Variants in PTK2B observed in about 807,000 individuals in gnomAD.
PTK2B encodes protein tyrosine kinase 2 beta.
Under a neutral mutation model 142.9 loss-of-function variants are expected in PTK2B, and 71 were observed. The ratio of observed to expected loss-of-function variants is 0.50; its 90% CI spans 0.41 to 0.61. The LOEUF (loss-of-function observed/expected upper bound fraction) is 0.61, where lower values mean the gene tolerates loss of function less well. Among genes scored for constraint, PTK2B ranks in the 20% least tolerant of loss-of-function variants. The pLI is 0.00. For synonymous variants in PTK2B, 519 were observed against 503.4 expected (o/e 1.03, Z -0.42); for missense variants, 1,105 against 1,320.4 (o/e 0.84, Z 2.53).
At chr8:27,437,296 G>C in intron 16 of PTK2B, 90 bp downstream of exon 16, 1 of 1,541,738 alleles carries the variant, frequency 6.5e-7, no homozygotes, top group East Asian at 2.3e-5. Flanking sequence ...ACCCATGTTG[G>C]AGGAGGGGTT....
rs561309028 is a variant in PTK2B, at chr8:27,403,476, T to C, written c.204+5688T>C. ...GTGAATAAGCGCTGGCCCCTGTGCC[T>C]AGGACCTAAAAGAAATTAGGCAGGT... On this transcript the variant is annotated intron_variant, in intron 2 of 30. Transcript: ENST00000346049. 4.6e-5 allele frequency among the ~76,000 whole-genome samples: 7 copies of C among 152,358 alleles called. No individual in the cohort carries two copies. In the South Asian group the frequency reaches 1.2e-3, roughly 27 times the overall value.
chr8:27,326,613 C>G (rs1220288976), intron 1 of PTK2B, among the ~76,000 whole-genome samples: 3 of 152,156 alleles, frequency 2.0e-5, no homozygotes, highest in Non-Finnish European at 4.4e-5. Context: ...GGGCAGTGCA[C>G]GTGGTGTGAT....
At chr8:27,406,178 T>G (rs780450813) in intron 2 of PTK2B, among the ~76,000 whole-genome samples, 1 of 152,228 alleles carries the variant, frequency 6.6e-6, no homozygotes, top group Non-Finnish European at 1.5e-5. Flanking sequence ...TTCTCCTCTC[T>G]CTGTGTCTCT....
chr8:27,433,691 C>T, intron 11 of PTK2B, 139 bp downstream of exon 11: 1 of 764,722 alleles, frequency 1.3e-6, no homozygotes, highest in Non-Finnish European at 2.1e-6. Context: ...GGGAAGCTTC[C>T]AGTGGGCCCA....
chr8:27,390,896 G>A (rs2131306585), intron 1 of PTK2B, among the ~76,000 whole-genome samples: 1 of 152,234 alleles, frequency 6.6e-6, no homozygotes, highest in South Asian at 2.1e-4. Flanking sequence ...GTCCATGGCA[G>A]AGACTCAAGG....
intron 1 of PTK2B, among the ~76,000 whole-genome samples, chr8:27,342,695 C>G (rs2130133434): frequency 6.6e-6 from 1 of 152,302 alleles, no homozygotes; most frequent in East Asian, 1.9e-4. Context: ...GTCTGTGCTC[C>G]TCTGATCCCA....
chr8:27,435,814 C>T (rs1402732322), intron 14 of PTK2B, 21 bp downstream of exon 14: 1 of 1,612,122 alleles, frequency 6.2e-7, no homozygotes, highest in South Asian at 1.1e-5. Flanking sequence ...GACCCCGCCA[C>T]AGCGACCGTA....
chr8:27,328,567 G>A (rs1803553390), intron 1 of PTK2B, among the ~76,000 whole-genome samples: 1 of 152,190 alleles, frequency 6.6e-6, no homozygotes, highest in Admixed American at 6.5e-5. Context: ...CCAGGCCCTT[G>A]GATTGTTTGC....
At chr8:27,339,909 A>G (rs1362013475) in intron 1 of PTK2B, among the ~76,000 whole-genome samples, 2 of 152,256 alleles carry the variant, frequency 1.3e-5, no homozygotes, top group Non-Finnish European at 2.9e-5. Context: ...GTTTCCAGTG[A>G]CAGTGACACC....
At chr8:27,428,644 G>A (rs569449987) in intron 5 of PTK2B, among the ~76,000 whole-genome samples, 1 of 152,242 alleles carries the variant, frequency 6.6e-6, no homozygotes, top group South Asian at 2.1e-4. Flanking sequence ...AGGATGTTTA[G>A]CAGTATCCCT....
At chr8:27,350,536 A>G (rs1804982529) in intron 1 of PTK2B, among the ~76,000 whole-genome samples, 2 of 151,374 alleles carry the variant, frequency 1.3e-5, no homozygotes, top group East Asian at 3.9e-4. Context: ...GCTGTTATAC[A>G]TTCTCCAGTC....
At chr8:27,379,678 C>G (rs919983336) in intron 1 of PTK2B, among the ~76,000 whole-genome samples, 1 of 152,182 alleles carries the variant, frequency 6.6e-6, no homozygotes, top group Non-Finnish European at 1.5e-5. Context: ...TCATTACTTA[C>G]CTTTTAGCAC....
rs549593686 is a variant in PTK2B, at chr8:27,417,948, G to A, written c.205-1947G>A. On this transcript the variant is annotated intron_variant, in intron 2 of 30. Coordinates refer to ENST00000346049, the MANE Select transcript of PTK2B (RefSeq NM_173176.3). ...TGACAGTGGACAGAGCAGGGCAGAA[G>A]GTCAGGGACAGGAGAAATGGGTAGA... Among the ~76,000 whole-genome samples the A allele has an allele frequency of 2.0e-5, 3 of 152,260 alleles. No homozygotes were observed. In the East Asian group the frequency reaches 5.8e-4, roughly 29 times the overall value.
At chr8:27,433,618 G>T in intron 11 of PTK2B, 66 bp downstream of exon 11, 1 of 1,373,148 alleles carries the variant, frequency 7.3e-7, no homozygotes. Flanking sequence ...CCCCAGAGGC[G>T]GAGTGGCAGA....
chr8:27,371,925 C>T (rs1264245363), intron 1 of PTK2B, among the ~76,000 whole-genome samples: 1 of 152,198 alleles, frequency 6.6e-6, no homozygotes, highest in Non-Finnish European at 1.5e-5. Context: ...GTGCCAGGCA[C>T]CGATCCAGGC....
intron 24 of PTK2B, among the ~76,000 whole-genome samples, chr8:27,447,709 A>T (rs1385252801): frequency 7.2e-5 from 11 of 152,094 alleles, no homozygotes; most frequent in Admixed American, 7.2e-4. Flanking sequence ...AAATACAAAA[A>T]ATTAGTCAGG....
At chr8:27,337,222 C>T (rs1804127861) in intron 1 of PTK2B, among the ~76,000 whole-genome samples, 1 of 151,822 alleles carries the variant, frequency 6.6e-6, no homozygotes, top group African/African-American at 2.4e-5. Flanking sequence ...TGCAACCTCT[C>T]CCTCCTGGGT....
At chr8:27,451,893 T>G (rs757607795) in intron 27 of PTK2B, 40 of 510,822 alleles carry the variant, frequency 7.8e-5, no homozygotes, top group Non-Finnish European at 9.9e-5. Context: ...TCTGTAGGCC[T>G]GAGGGACAGA....
chr8:27,430,914 G>A lies in PTK2B; in HGVS notation c.708G>A (p.Gln236=), dbSNP rs1206208321. The stretch of plus-strand genomic sequence containing the variant: ...GGAAGATGATCCAGCAGACCTTCCA[G>A]CAGTACGCCTCGCTCAGGGAGGAGG... The part of the protein sequence containing the change: ...QFRKMIQQTF[Q]QYASLREEEC... The change falls in exon 8 of 31, where the codon CAG becomes CAA. Residue 236 remains glutamine (Q), a synonymous_variant. Coordinates refer to ENST00000346049, the MANE Select transcript of PTK2B (RefSeq NM_173176.3). The A allele has an allele frequency of 2.5e-6, 4 of 1,614,196 alleles. No individual in the cohort carries two copies. In the Admixed American group the frequency reaches 5.0e-5, roughly 20 times the overall value.
Sources: allele counts gnomAD v4.1 joint callset (sites outside exome capture counted in the v4.1 genomes callset), GRCh38; gene constraint gnomAD v4.1.1; transcripts MANE v1.5; gene names NCBI Gene and HGNC (gene_info 2026-07-23, HGNC 2026-07-21).